Variants in DAB1 observed in about 807,000 individuals in gnomAD.
The protein encoded by DAB1 is disabled homolog 1.
Under a neutral mutation model 64.6 loss-of-function variants are expected in DAB1, and 15 were observed. That is an observed-to-expected ratio of 0.23 (90% CI 0.16 to 0.36). DAB1 has a LOEUF of 0.36. Ranked by LOEUF, DAB1 falls within the 10% of genes least tolerant of loss-of-function variation. The probability of loss-of-function intolerance (pLI) is 1.00; values close to 1 mark genes in which losing one functional copy is unlikely to be tolerated. For missense variants in DAB1, 596 were observed against 706.7 expected (o/e 0.84, Z 1.78); for synonymous variants, 235 against 251.9 (o/e 0.93, Z 0.64).
At chr1:57,394,928 C>A (rs1378765103) in intron 1 of DAB1, among the ~76,000 whole-genome samples, 1 of 152,204 alleles carries the variant, frequency 6.6e-6, no homozygotes, top group Non-Finnish European at 1.5e-5. Flanking sequence ...GGATGCAACC[C>A]ACTTTCTATA....
At chr1:58,138,578 C>T (rs1280685037) in intron 5 of DAB1, among the ~76,000 whole-genome samples, 1 of 152,064 alleles carries the variant, frequency 6.6e-6, no homozygotes, top group African/African-American at 2.4e-5. Context: ...GGGCACTGGG[C>T]TTGAAAGAAG....
chr1:57,405,825 CTAAA>C (rs1683593616), intron 1 of DAB1, among the ~76,000 whole-genome samples: 1 of 152,186 alleles, frequency 6.6e-6, no homozygotes, highest in African/African-American at 2.4e-5. Flanking sequence ...CTTATTTCAC[CTAAA>C]TAAATATATT....
chr1:58,218,434 TG>T (rs1658972680), intron 4 of DAB1, among the ~76,000 whole-genome samples: 1 of 152,168 alleles, frequency 6.6e-6, no homozygotes, highest in Non-Finnish European at 1.5e-5. Flanking sequence ...AGAAAGTTTC[TG>T]GGACATTACA....
At chr1:58,064,370 T>C (rs1648703646) in intron 5 of DAB1, among the ~76,000 whole-genome samples, 1 of 152,226 alleles carries the variant, frequency 6.6e-6, no homozygotes, top group Admixed American at 6.5e-5. Flanking sequence ...GGAGTCACCA[T>C]GGAGACCACG....
intron 2 of DAB1, among the ~76,000 whole-genome samples, chr1:57,186,413 G>A (rs1242799922): frequency 2.0e-5 from 3 of 152,150 alleles, no homozygotes; most frequent in African/African-American, 7.2e-5. Context: ...GGATTATAGG[G>A]ATATAAAAAG....
At chr1:57,933,131 C>T (rs2102039630) in intron 5 of DAB1, among the ~76,000 whole-genome samples, 1 of 152,284 alleles carries the variant, frequency 6.6e-6, no homozygotes. Context: ...TGAATGGTAC[C>T]CTATAAGGTT....
At chr1:57,706,148 AC>A (rs1308765918) in intron 6 of DAB1, among the ~76,000 whole-genome samples, 1 of 152,176 alleles carries the variant, frequency 6.6e-6, no homozygotes, top group African/African-American at 2.4e-5. Context: ...TTTTTACAAC[AC>A]ATAGTACTTA....
intron 7 of DAB1, among the ~76,000 whole-genome samples, chr1:57,454,710 A>G (rs996953662): frequency 6.6e-6 from 1 of 152,130 alleles, no homozygotes; most frequent in Non-Finnish European, 1.5e-5. Flanking sequence ...CCATAAGCCA[A>G]TATGACAGGT....
At chr1:58,428,546 C>G (rs1449847436) in intron 3 of DAB1, among the ~76,000 whole-genome samples, 1 of 152,178 alleles carries the variant, frequency 6.6e-6, no homozygotes, top group Non-Finnish European at 1.5e-5. Flanking sequence ...CCAATTCAAA[C>G]CATACCACTG....
At chr1:58,342,730 C>A (rs1643953869) in intron 4 of DAB1, among the ~76,000 whole-genome samples, 1 of 152,176 alleles carries the variant, frequency 6.6e-6, no homozygotes. Flanking sequence ...CTAGACCTCT[C>A]TCAATCCCTT....
chr1:57,553,749 G>C (rs1644955318), intron 7 of DAB1, among the ~76,000 whole-genome samples: 1 of 152,106 alleles, frequency 6.6e-6, no homozygotes, highest in African/African-American at 2.4e-5. Context: ...AAGCAGGGAG[G>C]GTTCAGGGTC....
intron 7 of DAB1, among the ~76,000 whole-genome samples, chr1:57,516,289 G>A (rs1187729943): frequency 6.6e-6 from 1 of 152,160 alleles, no homozygotes; most frequent in Non-Finnish European, 1.5e-5. Flanking sequence ...ACATACTAAT[G>A]TACACATTAA....
chr1:57,453,003 AAAG>A (rs757770547), intron 7 of DAB1, among the ~76,000 whole-genome samples: 3 of 152,062 alleles, frequency 2.0e-5, no homozygotes, highest in Admixed American at 6.6e-5. Flanking sequence ...AGAAAAGAAA[AAAG>A]AAGGAGGGAG....
At chr1:57,116,461 CAAAAAAAAA>C (rs61590002) in intron 4 of DAB1, among the ~76,000 whole-genome samples, 7 of 71,974 alleles carry the variant, frequency 9.7e-5, no homozygotes, top group Admixed American at 1.8e-4. Context: ...GACTCTGTCT[CAAAAAAAAA>C]AAAAAAAAAA....
chr1:57,027,827 C>T (rs538936822), intron 9 of DAB1, among the ~76,000 whole-genome samples: 1 of 152,290 alleles, frequency 6.6e-6, no homozygotes, highest in Admixed American at 6.5e-5. Context: ...GCCTGGCACA[C>T]AGTAGGGCCC....
chr1:57,130,545 G>A (rs1348430896), intron 4 of DAB1, among the ~76,000 whole-genome samples: 1 of 152,190 alleles, frequency 6.6e-6, no homozygotes, highest in Non-Finnish European at 1.5e-5. Context: ...TAAATAAAAT[G>A]TGGTATATAT....
intron 5 of DAB1, among the ~76,000 whole-genome samples, chr1:57,929,567 G>C (rs1282330063): frequency 6.6e-6 from 1 of 152,078 alleles, no homozygotes; most frequent in Non-Finnish European, 1.5e-5. Flanking sequence ...GAGTGTATTG[G>C]TCTGTTTTAT....
In DAB1 at chr1:57,111,329, C is replaced by T. The variant is rs1403863039; in HGVS notation, c.306+25214G>A. On this transcript the variant is annotated intron_variant, in intron 4 of 14. Transcript: ENST00000371236. Reference sequence around the variant, plus strand: ...ATTCAGAGCCTGTTACTCTTAGAGCCGGCTGTAACCTACTTCTATGTACTA... The same window carrying T: ...ATTCAGAGCCTGTTACTCTTAGAGCTGGCTGTAACCTACTTCTATGTACTA... 7.2e-5 allele frequency among the ~76,000 whole-genome samples: 11 copies of T among 152,112 alleles called. 1 individual carries two copies.
At chr1:57,959,080 T>C (rs934922313) in intron 5 of DAB1, among the ~76,000 whole-genome samples, 6 of 152,212 alleles carry the variant, frequency 3.9e-5, no homozygotes, top group Admixed American at 3.9e-4. Context: ...AGAAAGCCAC[T>C]GTAGTCAAGT....
Sources: allele counts gnomAD v4.1 joint callset (sites outside exome capture counted in the v4.1 genomes callset), GRCh38; gene constraint gnomAD v4.1.1; transcripts MANE v1.5; gene names NCBI Gene and HGNC (gene_info 2026-07-23, HGNC 2026-07-21).